The following LRP1B variants were observed in gnomAD, a reference collection of about 807,000 sequenced individuals.
LRP1B encodes the protein low-density lipoprotein receptor-related protein 1B.
LRP1B carries 217 observed loss-of-function variants against 556.6 expected under a neutral mutation model. That is an observed-to-expected ratio of 0.39 (90% CI 0.35 to 0.44). LRP1B has a LOEUF of 0.44. LRP1B is among the 20% of genes least tolerant of loss of function. The pLI is 1.00. For missense variants in LRP1B, 5,053 were observed against 5,620.8 expected, an observed-to-expected ratio of 0.90 and a Z score of 3.23; for synonymous variants, 2,047 against 1,865.8, an observed-to-expected ratio of 1.10 and a Z score of -2.50.
chr2:141,438,489 G>A (rs754315823), intron 3 of LRP1B, among the ~76,000 whole-genome samples: 1 of 152,128 alleles, frequency 6.6e-6, no homozygotes, highest in Non-Finnish European at 1.5e-5. Flanking sequence ...ACTTGTTAGA[G>A]TGGCTTCCAT....
At chr2:140,269,610 C>T (rs1279812212) in intron 86 of LRP1B, among the ~76,000 whole-genome samples, 1 of 151,948 alleles carries the variant, frequency 6.6e-6, no homozygotes, top group African/African-American at 2.4e-5. Flanking sequence ...AGTGATGAAA[C>T]TCACAACAGT....
Position 140,291,323 on chromosome 2 carries a change from T to TTTTTTTTA in LRP1B, c.12967+6484_12967+6485insTAAAAAAA, listed in dbSNP as rs1209900014. On this transcript the variant is annotated intron_variant, in intron 84 of 90. Coordinates refer to ENST00000389484, the MANE Select transcript of LRP1B (RefSeq NM_018557.3). ...TTATATATATATATATATATATTTT[T>TTTTTTTTA]ATTATACTTTAAGTTCTAGGGTATA... is the stretch of plus-strand genomic sequence containing the variant. 8.9e-5 allele frequency among the ~76,000 whole-genome samples: 12 copies of TTTTTTTTA among 135,156 alleles called. No individual in the cohort carries two copies. The East Asian group carries it at 2.4e-3, about 27-fold the overall frequency. The allele number at this position is 135,156 out of a possible 152,430, so 88.7% of individuals were successfully genotyped here. A position where few individuals can be genotyped will look rare whatever the true frequency, so the allele number is the denominator to read the frequency against.
intron 16 of LRP1B, among the ~76,000 whole-genome samples, chr2:140,993,285 T>C (rs1202791652): frequency 6.6e-6 from 1 of 152,104 alleles, no homozygotes; most frequent in Non-Finnish European, 1.5e-5. Flanking sequence ...AAATATTTTA[T>C]ATCTCTCAAA....
chr2:140,855,493 G>GAAAAAAAA (rs56835236), intron 27 of LRP1B, among the ~76,000 whole-genome samples: 1 of 99,370 alleles, frequency 1.0e-5, no homozygotes, highest in African/African-American at 3.8e-5. Context: ...TCTCTACTGG[G>GAAAAAAAA]AAAAAAAAAA....
At chr2:140,462,954 G>A (rs1687383376) in intron 60 of LRP1B, among the ~76,000 whole-genome samples, 2 of 152,096 alleles carry the variant, frequency 1.3e-5, no homozygotes, top group South Asian at 4.1e-4. Flanking sequence ...AAGAATAAGA[G>A]CACAATGAGA....
chr2:141,580,462 A>G (rs1686926435), intron 2 of LRP1B, among the ~76,000 whole-genome samples: 1 of 152,210 alleles, frequency 6.6e-6, no homozygotes, highest in South Asian at 2.1e-4. Flanking sequence ...ACCACAGTTT[A>G]GGGAATTCTG....
intron 3 of LRP1B, among the ~76,000 whole-genome samples, chr2:141,430,084 G>A (rs1019103166): frequency 6.6e-6 from 1 of 152,006 alleles, no homozygotes; most frequent in African/African-American, 2.4e-5. Context: ...TCACTAACTA[G>A]CCTAAAAAGT....
intron 35 of LRP1B, among the ~76,000 whole-genome samples, chr2:140,728,688 C>T (rs1687675310): frequency 6.6e-6 from 1 of 151,898 alleles, no homozygotes; most frequent in Non-Finnish European, 1.5e-5. Context: ...AATTTTTTTC[C>T]ATCATCATCC....
chr2:141,845,217 T>C (rs1203889371), intron 1 of LRP1B, among the ~76,000 whole-genome samples: 1 of 151,844 alleles, frequency 6.6e-6, no homozygotes, highest in Admixed American at 6.6e-5. Flanking sequence ...TTTATCAAAG[T>C]AATATCACAG....
chr2:141,191,326 T>G, intron 6 of LRP1B, among the ~76,000 whole-genome samples: 1 of 151,902 alleles, frequency 6.6e-6, no homozygotes, highest in East Asian at 1.9e-4. Flanking sequence ...AAAATTATAT[T>G]TTTTCCTCCC....
chr2:140,789,185 G>A (rs554294333), intron 32 of LRP1B, among the ~76,000 whole-genome samples: 2 of 152,210 alleles, frequency 1.3e-5, no homozygotes, highest in South Asian at 4.1e-4. Flanking sequence ...CATTTTTGAG[G>A]TCCAGTCTGA....
chr2:140,736,123 G>C (rs1429902141), intron 35 of LRP1B, among the ~76,000 whole-genome samples: 2 of 152,086 alleles, frequency 1.3e-5, no homozygotes, highest in Non-Finnish European at 1.5e-5. Flanking sequence ...ATAGATGGTA[G>C]AAGAAGGAAT....
chr2:142,018,216 G>A (rs1311055177), intron 1 of LRP1B, among the ~76,000 whole-genome samples: 2 of 151,940 alleles, frequency 1.3e-5, no homozygotes, highest in Non-Finnish European at 2.9e-5. Context: ...TAACATTATT[G>A]TCATCATTCT....
At chr2:141,148,530 T>C (rs1243772554) in intron 7 of LRP1B, among the ~76,000 whole-genome samples, 1 of 152,134 alleles carries the variant, frequency 6.6e-6, no homozygotes, top group African/African-American at 2.4e-5. Flanking sequence ...GGTAATCCAC[T>C]TGGCTCCCAG....
At chr2:141,445,428 T>C (rs1050790507) in intron 3 of LRP1B, among the ~76,000 whole-genome samples, 1 of 152,236 alleles carries the variant, frequency 6.6e-6, no homozygotes, top group Non-Finnish European at 1.5e-5. Flanking sequence ...CTCCTTCAGT[T>C]CTGCTCTGAT....
chr2:140,399,178 CA>C (rs1684387991), intron 66 of LRP1B, among the ~76,000 whole-genome samples: 3 of 151,856 alleles, frequency 2.0e-5, no homozygotes, highest in Non-Finnish European at 4.4e-5. Flanking sequence ...CACACACACA[CA>C]CACACACACA....
rs181111207 is a variant in LRP1B at position 141,008,721 on chromosome 2, G to A, written c.2381-3264C>T. ...GAAGCAAAATTATATTCTACACCTT[G>A]CAAATAGTGCCCAGCATAGAGTGTG... On this transcript the variant is annotated intron_variant, in intron 14 of 90. Coordinates refer to ENST00000389484, the MANE Select transcript of LRP1B (RefSeq NM_018557.3). 2.0e-5 allele frequency among the ~76,000 whole-genome samples: 3 copies of A among 151,832 alleles called. No homozygotes were observed. The East Asian group carries it at 5.8e-4, about 30-fold the overall frequency.
intron 41 of LRP1B, among the ~76,000 whole-genome samples, chr2:140,674,398 AT>A (rs1218215072): frequency 6.6e-6 from 1 of 152,172 alleles, no homozygotes; most frequent in Non-Finnish European, 1.5e-5. Flanking sequence ...GCTATCTATT[AT>A]CTCTAAGGGT....
intron 1 of LRP1B, among the ~76,000 whole-genome samples, chr2:142,047,852 G>A (rs920245297): frequency 4.6e-5 from 7 of 152,040 alleles, no homozygotes; most frequent in Non-Finnish European, 1.0e-4. Flanking sequence ...GAAGCTCCTG[G>A]AACTCTGAGA....
Sources: allele counts gnomAD v4.1 joint callset (sites outside exome capture counted in the v4.1 genomes callset), GRCh38; gene constraint gnomAD v4.1.1; transcripts MANE v1.5; gene names NCBI Gene and HGNC (gene_info 2026-07-23, HGNC 2026-07-21).